Variants in SPECC1L observed in about 807,000 individuals in gnomAD.
SPECC1L encodes the protein sperm antigen with calponin homology and coiled-coil domains 1 like, also known as cytospin-A.
A neutral mutation model predicts 116.8 loss-of-function variants in SPECC1L; 40 were observed. The ratio of observed to expected loss-of-function variants is 0.34; its 90% confidence interval spans 0.27 to 0.45. SPECC1L has a LOEUF of 0.45. Among genes scored for constraint, SPECC1L ranks in the 20% least tolerant of loss-of-function variants. SPECC1L has a pLI of 1.00. For synonymous variants in SPECC1L, 504 were observed against 500.6 expected, an observed-to-expected ratio of 1.01 and a Z score of -0.09; for missense variants, 1,110 against 1,373.6, an observed-to-expected ratio of 0.81 and a Z score of 3.03.
chr22:24,318,303 G>A (rs1407419729), intron 4 of SPECC1L, among the ~76,000 whole-genome samples: 2 of 152,216 alleles, frequency 1.3e-5, no homozygotes, highest in Non-Finnish European at 2.9e-5. Flanking sequence ...CAGATCACTC[G>A]CGGTTAGGAG....
chr22:24,364,492 G>C (rs1263980589), intron 12 of SPECC1L, among the ~76,000 whole-genome samples: 3 of 152,006 alleles, frequency 2.0e-5, no homozygotes, highest in African/African-American at 7.3e-5. Context: ...GCAAAACCGT[G>C]TGTCTACTGA....
rs1348700590 is a variant in SPECC1L at position 24,322,705 on chromosome 22, G to A, written c.1725G>A (p.Glu575=). ...CCACAGTGGCCAGTGACCAGATAGA[G>A]ATGAATCGCCTGAAGGCTCAGCTGG... ...YKATVASDQI[E]MNRLKAQLEN... The change falls in exon 5 of 17, where the codon GAG becomes GAA. Residue 575 remains glutamate, a synonymous_variant. Transcript: ENST00000314328. 1.2e-6 allele frequency: 2 copies of A among 1,600,098 alleles called. No individual in the cohort carries two copies. The highest frequency in any genetic ancestry group is 2.7e-5 in the African/African-American group (2 of 73,992).
At chr22:24,334,717 A>C (rs1041488611) in intron 9 of SPECC1L, 144 bp downstream of exon 9, 8 of 904,504 alleles carry the variant, frequency 8.8e-6, no homozygotes, top group Non-Finnish European at 1.4e-5. Flanking sequence ...GACTTAACAG[A>C]AGGTGATATT....
Position 24,363,246 on chromosome 22 carries a change from T to G in SPECC1L, c.2744-15T>G. On this transcript the variant is annotated splice_polypyrimidine_tract_variant and intron_variant, in intron 11 of 16. Transcript: ENST00000314328. ...CATCAGATTTCTTTATTGGGATTCT[T>G]TCTACTTTGTACAGAGCATCTGTTA... 5.6e-6 allele frequency: 9 copies of G among 1,611,036 alleles called. No individual in the cohort carries two copies. Among genetic ancestry groups the G allele is most frequent in the Non-Finnish European group, 7.6e-6 (9 of 1,177,192 alleles).
chr22:24,379,345 A>G (rs2042021632), intron 14 of SPECC1L, among the ~76,000 whole-genome samples: 1 of 151,460 alleles, frequency 6.6e-6, no homozygotes, highest in Non-Finnish European at 1.5e-5. Context: ...GTACCACTGC[A>G]CTCCTGCCTG....
chr22:24,346,132 A>G (rs1180792940), intron 10 of SPECC1L, among the ~76,000 whole-genome samples: 1 of 150,602 alleles, frequency 6.6e-6, no homozygotes, highest in African/African-American at 2.4e-5. Flanking sequence ...TCAGCCTCCC[A>G]AGTAGCTGAG....
intron 2 of SPECC1L, among the ~76,000 whole-genome samples, chr22:24,300,042 C>G (rs2049345914): frequency 6.6e-6 from 1 of 152,150 alleles, no homozygotes; most frequent in Non-Finnish European, 1.5e-5. Context: ...AAACAAGATA[C>G]ATGTGCAGAA....
intron 11 of SPECC1L, among the ~76,000 whole-genome samples, chr22:24,353,970 G>A (rs2041476634): frequency 2.6e-5 from 4 of 152,194 alleles, no homozygotes. Context: ...AGGCTGTATA[G>A]GAGGCATGGT....
At chr22:24,367,811 A>T (rs1009991839) in intron 13 of SPECC1L, among the ~76,000 whole-genome samples, 1 of 152,220 alleles carries the variant, frequency 6.6e-6, no homozygotes, top group Non-Finnish European at 1.5e-5. Context: ...TGCTTGTAAC[A>T]TACGAACCTT....
rs577421659 is a variant in SPECC1L, at chr22:24,415,103, C to T, written c.*480C>T. On this transcript the variant is annotated 3_prime_UTR_variant, in exon 17 of 17. Coordinates refer to ENST00000314328, the MANE Select transcript of SPECC1L (RefSeq NM_015330.6). ...AGAGTCAGCGCCTGGCAGTTCCCAG[C>T]GCCCTGGGCCCTTCACCGTCCTAGT... The T allele has an allele frequency of 5.1e-4, 110 of 213,718 alleles. 1 individual carries two copies. The highest frequency in any genetic ancestry group is 1.7e-3 in the African/African-American group (73 of 44,198). The allele number at this position is 213,718 out of a possible 1,614,324, so 13.2% of individuals were successfully genotyped here.
intron 1 of SPECC1L, among the ~76,000 whole-genome samples, chr22:24,271,275 C>T (rs2048721484): frequency 1.3e-5 from 2 of 152,254 alleles, no homozygotes; most frequent in African/African-American, 4.8e-5. Flanking sequence ...ACCCCGCTTG[C>T]GGCTTGACTG....
chr22:24,344,368 G>A (rs139775019), intron 10 of SPECC1L, among the ~76,000 whole-genome samples: 18 of 151,672 alleles, frequency 1.2e-4, no homozygotes, highest in African/African-American at 3.9e-4. Flanking sequence ...TAATCTCAAC[G>A]TATTTAGAAA....
At chr22:24,293,051 G>T (rs948361851) in intron 2 of SPECC1L, among the ~76,000 whole-genome samples, 10 of 151,920 alleles carry the variant, frequency 6.6e-5, no homozygotes, top group Admixed American at 2.0e-4. Context: ...AGCTCAGGCT[G>T]TAGTGTGCTA....
chr22:24,361,320 TCAAGGTGGCAGTGAGC>T (rs150283191), intron 11 of SPECC1L, among the ~76,000 whole-genome samples: 25,644 of 151,578 alleles, frequency 0.17, 2,670 homozygotes, highest in East Asian at 0.24. Context: ...GCCTGAGAAG[TCAAGGTGGCAGTGAGC>T]CAAGATCACA....
intron 2 of SPECC1L, among the ~76,000 whole-genome samples, chr22:24,281,978 G>A (rs1684528714): frequency 6.6e-6 from 1 of 152,238 alleles, no homozygotes. Context: ...GTCTCCCTGA[G>A]CATTTGAGGA....
intron 3 of SPECC1L, among the ~76,000 whole-genome samples, chr22:24,305,368 C>G (rs2076712705): frequency 6.6e-6 from 1 of 152,208 alleles, no homozygotes; most frequent in Non-Finnish European, 1.5e-5. Flanking sequence ...AACTACCATT[C>G]TAACTTCTAG....
chr22:24,303,879 G>A (rs1388268335), intron 3 of SPECC1L, among the ~76,000 whole-genome samples: 2 of 148,284 alleles, frequency 1.3e-5, no homozygotes, highest in Non-Finnish European at 3.0e-5. Flanking sequence ...GTGTGTGTGT[G>A]TGTGTGTAGC....
intron 14 of SPECC1L, among the ~76,000 whole-genome samples, chr22:24,380,516 A>AT (rs1160113906): frequency 1.3e-5 from 2 of 152,208 alleles, no homozygotes; most frequent in Non-Finnish European, 2.9e-5. Context: ...CCTAATACCC[A>AT]TATCATCTTT....
At chr22:24,399,165 G>A (rs1245780349) in intron 14 of SPECC1L, among the ~76,000 whole-genome samples, 3 of 152,128 alleles carry the variant, frequency 2.0e-5, no homozygotes, top group African/African-American at 4.8e-5. Flanking sequence ...TCCATGAAAC[G>A]TCTCCCTCTG....
Sources: allele counts gnomAD v4.1 joint callset (sites outside exome capture counted in the v4.1 genomes callset), GRCh38; gene constraint gnomAD v4.1.1; transcripts MANE v1.5; gene names NCBI Gene and HGNC (gene_info 2026-07-23, HGNC 2026-07-21).